The following GPC6 variants were observed in gnomAD, a reference collection of about 807,000 sequenced individuals.
GPC6 encodes the protein glypican 6, also known as glypican-6.
A neutral mutation model predicts 55.2 loss-of-function variants in GPC6; 14 were observed. The ratio of observed to expected loss-of-function variants is 0.25; its 90% CI spans 0.17 to 0.40. The LOEUF (loss-of-function observed/expected upper bound fraction) is 0.40. Ranked by LOEUF, GPC6 falls within the 10% of genes least tolerant of loss-of-function variation. The pLI is 1.00. For missense variants in GPC6, 641 were observed against 708.5 expected (o/e 0.90, Z 1.08); for synonymous variants, 278 against 259.6 (o/e 1.07, Z -0.68).
At chr13:93,943,058 A>G (rs1341316518) in intron 3 of GPC6, among the ~76,000 whole-genome samples, 1 of 152,094 alleles carries the variant, frequency 6.6e-6, no homozygotes, top group Non-Finnish European at 1.5e-5. Context: ...GCTCTGCTGC[A>G]GGCTTTTCAA....
intron 2 of GPC6, among the ~76,000 whole-genome samples, chr13:93,560,429 AG>A (rs1342395330): frequency 4.6e-5 from 7 of 151,678 alleles, no homozygotes; most frequent in Admixed American, 2.0e-4. Context: ...CTGAGTGGGG[AG>A]GATCACTTCA....
At chr13:93,515,112 G>A (rs972581964) in intron 1 of GPC6, among the ~76,000 whole-genome samples, 34 of 152,182 alleles carry the variant, frequency 2.2e-4, no homozygotes, top group African/African-American at 7.0e-4. Context: ...TATCTCCACT[G>A]CCTGTCTTTG....
intron 2 of GPC6, among the ~76,000 whole-genome samples, chr13:93,588,983 A>T (rs1234478552): frequency 6.6e-6 from 1 of 152,086 alleles, no homozygotes; most frequent in Non-Finnish European, 1.5e-5. Context: ...GGTGTGGTGG[A>T]TATACCTCAG....
chr13:93,271,611 A>G lies in GPC6; in HGVS notation c.160+43995A>G, dbSNP rs144696466. Among the ~76,000 whole-genome samples the G allele has an allele frequency of 3.3e-3, 503 of 152,310 alleles. 5 individuals carry two copies. The highest frequency in any genetic ancestry group is 0.011 in the African/African-American group (455 of 41,564). On this transcript the variant is annotated intron_variant, in intron 1 of 8. Coordinates refer to ENST00000377047, the MANE Select transcript of GPC6 (RefSeq NM_005708.5). ...ATAAGTAAATAATACAACCATGCTT[A>G]GAATTCTTGAGGACGATCAAGTGAG...
Position 93,343,972 on chromosome 13 carries a change from CA to C in GPC6, c.160+116359del, listed in dbSNP as rs1880348542. The stretch of plus-strand genomic sequence containing the variant: ...TTGCTATATATCCACGTCACCTCTT[CA>C]AATTTCCTTTAGTGTCAACAGGGTG... On this transcript the variant is annotated intron_variant, in intron 1 of 8. Coordinates refer to ENST00000377047, the MANE Select transcript of GPC6 (RefSeq NM_005708.5). Among the ~76,000 whole-genome samples the C allele has an allele frequency of 2.0e-5, 3 of 152,180 alleles. No homozygotes were observed. The South Asian group carries it at 6.2e-4, about 31-fold the overall frequency.
chr13:93,888,798 C>A (rs1215426503), intron 3 of GPC6, among the ~76,000 whole-genome samples: 1 of 152,064 alleles, frequency 6.6e-6, no homozygotes, highest in Non-Finnish European at 1.5e-5. Flanking sequence ...TCTGCAAAAG[C>A]AGGAAAGAAA....
At chr13:94,269,543 T>G (rs1166780412) in intron 4 of GPC6, among the ~76,000 whole-genome samples, 1 of 152,228 alleles carries the variant, frequency 6.6e-6, no homozygotes, top group Non-Finnish European at 1.5e-5. Flanking sequence ...CCTTCTGTCT[T>G]TTTAATCAGC....
At chr13:94,329,695 A>C (rs1029200263) in intron 6 of GPC6, among the ~76,000 whole-genome samples, 1 of 152,186 alleles carries the variant, frequency 6.6e-6, no homozygotes, top group Non-Finnish European at 1.5e-5. Flanking sequence ...TGGGTTTAGG[A>C]GATTCAGAAA....
rs561062799 is a variant in GPC6, at chr13:94,008,343, G to A, written c.712-19386G>A. Among the ~76,000 whole-genome samples, 400 of 152,226 alleles carry A rather than the reference G, an allele frequency of 2.6e-3. 1 individual carries two copies. The highest frequency in any genetic ancestry group is 9.2e-3 in the African/African-American group (384 of 41,530). ...AATTTGAAACTCTATATACACTCAT[G>A]AACATTGGTAAGTTGTTATCTAAAA... is the stretch of plus-strand genomic sequence containing the variant. On this transcript the variant is annotated intron_variant, in intron 3 of 8. Coordinates refer to ENST00000377047, the MANE Select transcript of GPC6 (RefSeq NM_005708.5).
chr13:93,465,790 C>G (rs1225397330), intron 1 of GPC6, among the ~76,000 whole-genome samples: 1 of 152,300 alleles, frequency 6.6e-6, no homozygotes, highest in African/African-American at 2.4e-5. Flanking sequence ...AGCCTTTTGG[C>G]CTTTCTCAGC....
At chr13:93,265,065 C>T (rs780724269) in intron 1 of GPC6, among the ~76,000 whole-genome samples, 11 of 152,164 alleles carry the variant, frequency 7.2e-5, no homozygotes, top group South Asian at 4.2e-4. Context: ...TTATTTTAGA[C>T]GCCAAACATA....
At chr13:93,570,677 A>G (rs564894731) in intron 2 of GPC6, among the ~76,000 whole-genome samples, 1 of 152,150 alleles carries the variant, frequency 6.6e-6, no homozygotes, top group Non-Finnish European at 1.5e-5. Context: ...TTCTACATAT[A>G]ACAAAGAACT....
intron 1 of GPC6, among the ~76,000 whole-genome samples, chr13:93,275,946 C>T (rs1471106849): frequency 6.6e-6 from 1 of 152,146 alleles, no homozygotes; most frequent in African/African-American, 2.4e-5. Flanking sequence ...GCGATCTCGG[C>T]TCATGGCAAG....
intron 4 of GPC6, among the ~76,000 whole-genome samples, chr13:94,282,656 C>G (rs1892418208): frequency 6.6e-6 from 1 of 152,194 alleles, no homozygotes; most frequent in Non-Finnish European, 1.5e-5. Context: ...CTGGAAGGTT[C>G]AAGATGGCTT....
chr13:93,364,363 G>A (rs1396032745), intron 1 of GPC6, among the ~76,000 whole-genome samples: 1 of 152,032 alleles, frequency 6.6e-6, no homozygotes, highest in Non-Finnish European at 1.5e-5. Flanking sequence ...CTATCCAGAG[G>A]AGATGTAAGA....
chr13:94,270,464 C>G (rs1220405705), intron 4 of GPC6, among the ~76,000 whole-genome samples: 1 of 152,060 alleles, frequency 6.6e-6, no homozygotes, highest in African/African-American at 2.4e-5. Context: ...GAATTGAAAA[C>G]AAAGGGTAAA....
chr13:93,873,582 C>G (rs1183987464), intron 3 of GPC6, among the ~76,000 whole-genome samples: 2 of 151,916 alleles, frequency 1.3e-5, no homozygotes, highest in Non-Finnish European at 2.9e-5. Context: ...GTGCACAAGA[C>G]AGCCCCTATG....
chr13:94,179,289 A>G (rs1888902775), intron 4 of GPC6, among the ~76,000 whole-genome samples: 1 of 152,200 alleles, frequency 6.6e-6, no homozygotes, highest in African/African-American at 2.4e-5. Context: ...TCTGTACACC[A>G]TCTCCTCAGA....
chr13:93,545,269 A>C lies in GPC6; in HGVS notation c.167A>C (p.His56Pro), dbSNP rs771865959. 9 of 1,612,962 alleles carry C rather than the reference A, an allele frequency of 5.6e-6. No homozygotes were observed. Among genetic ancestry groups the C allele is most frequent in the Non-Finnish European group, 7.6e-6 (9 of 1,179,102 alleles). ...ATTTAACTTCTCATTGCAGGGGAAC[A>C]CTTAAGAATCTGTCCTCAGGAATAT... is the stretch of plus-strand genomic sequence containing the variant. ...DIPYQEIAGE[H>P]LRICPQEYTC... Residue 56 changes from histidine to proline, a missense_variant, in exon 2 of 9, where the codon CAC becomes CCC. By Grantham distance (77) the His-to-Pro change is moderately conservative. Transcript: ENST00000377047.
Sources: allele counts gnomAD v4.1 joint callset (sites outside exome capture counted in the v4.1 genomes callset), GRCh38; gene constraint gnomAD v4.1.1; transcripts MANE v1.5; gene names NCBI Gene and HGNC (gene_info 2026-07-23, HGNC 2026-07-21).